TMEM67: variants seen among roughly 807,000 people sequenced by gnomAD.
TMEM67 encodes the protein transmembrane protein 67, also known as meckelin.
A neutral mutation model predicts 136.6 loss-of-function variants in TMEM67; 124 were observed. That is an observed-to-expected ratio of 0.91 (90% CI 0.78 to 1.05). The LOEUF is 1.05. TMEM67 is among the 50% of genes least tolerant of loss of function. The pLI is 0.00. For missense variants in TMEM67, 1,107 were observed against 1,178.4 expected (o/e 0.94, Z 0.89); for synonymous variants, 364 against 390.5 (o/e 0.93, Z 0.80).
At chr8:93,823,652 T>A (rs1445880926), downstream of TMEM67, among the ~76,000 whole-genome samples, 2 of 152,166 alleles carry the variant, frequency 1.3e-5, no homozygotes, top group African/African-American at 4.8e-5. Flanking sequence ...GCAAAGGCCC[T>A]GATGTGGGGG....
At chr8:93,816,302 TA>T in intron 27 of TMEM67, 69 bp from the exon 28 acceptor site, 1 of 721,602 alleles carries the variant, frequency 1.4e-6, no homozygotes, top group Admixed American at 2.3e-5. Flanking sequence ...TTAATCTAGA[TA>T]TTTTAATCGA....
chr8:93,816,510 T>C lies in TMEM67; in HGVS notation c.*58T>C. The C allele has an allele frequency of 1.0e-6, 1 of 956,504 alleles. No individual in the cohort carries two copies. Among genetic ancestry groups the C allele is most frequent in the South Asian group, 1.4e-5 (1 of 70,772 alleles). The allele number at this position is 956,504 out of a possible 1,614,324, so 59.3% of individuals were successfully genotyped here. On this transcript the variant is annotated 3_prime_UTR_variant, in exon 28 of 28. Coordinates refer to ENST00000453321, the MANE Select transcript of TMEM67 (RefSeq NM_153704.6). ...AATCATGGCCAAAAAAAAGTCATGA[T>C]ATCAGGTTAGTTTGCCATATTTTTT...
intron 23 of TMEM67, among the ~76,000 whole-genome samples, chr8:93,806,551 T>C (rs1176916752): frequency 6.6e-6 from 1 of 152,134 alleles, no homozygotes; most frequent in Non-Finnish European, 1.5e-5. Context: ...CTATGTACAT[T>C]TGGAAAACTT....
intron 15 of TMEM67, among the ~76,000 whole-genome samples, chr8:93,792,773 C>CTT (rs11379711): frequency 2.9e-5 from 4 of 136,116 alleles, no homozygotes; most frequent in African/African-American, 2.7e-5. Context: ...TGTGTCCTTT[C>CTT]TTTTTTTTTT....
downstream of TMEM67, among the ~76,000 whole-genome samples, chr8:93,822,889 T>A (rs1809060580): frequency 6.6e-6 from 1 of 152,220 alleles, no homozygotes; most frequent in African/African-American, 2.4e-5. Context: ...AAATACATAT[T>A]ACATTAAAAT....
chr8:93,787,812 T>A (rs775818969), intron 13 of TMEM67, 32 bp from the exon 14 acceptor site: 1 of 1,503,036 alleles, frequency 6.7e-7, no homozygotes, highest in East Asian at 2.3e-5. Flanking sequence ...CCGGATATAC[T>A]GATTACTATA....
At chr8:93,820,174 C>T (rs1289566332), downstream of TMEM67, among the ~76,000 whole-genome samples, 1 of 152,152 alleles carries the variant, frequency 6.6e-6, no homozygotes, top group Non-Finnish European at 1.5e-5. Flanking sequence ...TGCCTCCTGA[C>T]TGGTGCTTTC....
At chr8:93,760,431 CTG>C (rs1307607618) in intron 3 of TMEM67, among the ~76,000 whole-genome samples, 12 of 152,248 alleles carry the variant, frequency 7.9e-5, no homozygotes, top group Non-Finnish European at 1.5e-4. Context: ...GCTGGGAAAA[CTG>C]AGAAAACACC....
At chr8:93,784,057 G>C (rs541012639) in intron 11 of TMEM67, among the ~76,000 whole-genome samples, 27 of 152,316 alleles carry the variant, frequency 1.8e-4, no homozygotes, top group African/African-American at 6.5e-4. Flanking sequence ...TACCATTATG[G>C]AAAGTAGATT....
In TMEM67 at chr8:93,795,402, A is replaced by G; in HGVS notation, c.1675-7A>G. ...AAACAGCTGTAATTCTTTTTTTTAA[A>G]TTGCAGACAGTTGTGAAATTCTTGG... On this transcript the variant is annotated splice_region_variant and splice_polypyrimidine_tract_variant and intron_variant, in intron 16 of 27. Coordinates refer to ENST00000453321, the MANE Select transcript of TMEM67 (RefSeq NM_153704.6). The G allele has an allele frequency of 6.2e-7, 1 of 1,612,982 alleles. No homozygotes were observed. The highest frequency in any genetic ancestry group is 8.5e-7 in the Non-Finnish European group (1 of 1,178,996).
intron 3 of TMEM67, chr8:93,762,899 T>C: frequency 2.4e-6 from 1 of 419,644 alleles, no homozygotes; most frequent in Non-Finnish European, 4.7e-6. Flanking sequence ...TATGCTCTGA[T>C]GCTCTGTTAG....
intron 7 of TMEM67, 107 bp downstream of exon 7, chr8:93,772,758 C>A: frequency 2.6e-6 from 2 of 774,214 alleles, no homozygotes; most frequent in Non-Finnish European, 4.2e-6. Context: ...GCTTCTTGGT[C>A]ATAATCTTAT....
At chr8:93,786,406 G>C (rs1814105381) in intron 13 of TMEM67, 60 bp downstream of exon 13, 1 of 1,569,004 alleles carries the variant, frequency 6.4e-7, no homozygotes, top group South Asian at 1.1e-5. Flanking sequence ...GTGTTTGCCA[G>C]TCATTAGTAG....
At chr8:93,830,908 G>A in the TMEM67 span, among the ~76,000 whole-genome samples, 181 of 152,334 alleles carry the variant, frequency 1.2e-3, no homozygotes, top group African/African-American at 4.1e-3. Context: ...TTCTGCCTTC[G>A]CAGAATCATT....
chr8:93,822,976 G>A (rs1183857462), downstream of TMEM67, among the ~76,000 whole-genome samples: 1 of 152,124 alleles, frequency 6.6e-6, no homozygotes, highest in Non-Finnish European at 1.5e-5. Flanking sequence ...TGGGACACTA[G>A]GTGCTAAGGA....
intron 20 of TMEM67, among the ~76,000 whole-genome samples, chr8:93,798,942 AGTGT>A (rs35511670): frequency 0.1 from 14,446 of 143,324 alleles, 719 homozygotes; most frequent in African/African-American, 0.15. Flanking sequence ...GTACTAAAGT[AGTGT>A]GTGTGTGTGT....
At chr8:93,795,824 A>T in intron 17 of TMEM67, 77 bp from the exon 18 acceptor site, 1 of 1,259,444 alleles carries the variant, frequency 7.9e-7, no homozygotes, top group Non-Finnish European at 1.1e-6. Context: ...AAAAAAACAA[A>T]AACGAAAACA....
intron 6 of TMEM67, among the ~76,000 whole-genome samples, chr8:93,767,587 T>G (rs1813132028): frequency 6.6e-6 from 1 of 152,210 alleles, no homozygotes; most frequent in South Asian, 2.1e-4. Context: ...ACTTATTTTT[T>G]AAAATTAATG....
the TMEM67 span, among the ~76,000 whole-genome samples, chr8:93,826,750 TTAA>T: frequency 6.6e-6 from 1 of 152,224 alleles, no homozygotes; most frequent in Non-Finnish European, 1.5e-5. Context: ...ATGAAGATGA[TTAA>T]TGTTAATTAG....
Sources: gnomAD v4.1 joint callset for allele counts (sites outside exome capture counted in the v4.1 genomes callset) on GRCh38, gnomAD v4.1.1 for gene constraint, MANE v1.5 for transcripts, NCBI Gene and HGNC (gene_info 2026-07-23, HGNC 2026-07-21) for gene names.